LRP1B: variants seen among roughly 807,000 people sequenced by gnomAD.
The protein encoded by LRP1B is low-density lipoprotein receptor-related protein 1B.
LRP1B carries 217 observed loss-of-function variants against 556.6 expected under a neutral mutation model. The observed-to-expected ratio is 0.39, with a 90% confidence interval of 0.35 to 0.44. The LOEUF (loss-of-function observed/expected upper bound fraction) is 0.44. LRP1B is among the 20% of genes least tolerant of loss of function. The pLI is 1.00. For missense variants in LRP1B, 5,053 were observed against 5,620.8 expected (o/e 0.90, Z 3.23); for synonymous variants, 2,047 against 1,865.8 (o/e 1.10, Z -2.50).
At chr2:141,025,357 A>T (rs1698188716) in intron 11 of LRP1B, among the ~76,000 whole-genome samples, 1 of 152,190 alleles carries the variant, frequency 6.6e-6, no homozygotes. Flanking sequence ...ACCATATCTA[A>T]AGCATATTGT....
chr2:141,642,893 C>T (rs1343608287), intron 2 of LRP1B, among the ~76,000 whole-genome samples: 1 of 152,002 alleles, frequency 6.6e-6, no homozygotes. Context: ...CTGGTTTATG[C>T]CAAATACAAG....
intron 7 of LRP1B, among the ~76,000 whole-genome samples, chr2:141,156,617 T>A (rs1328744950): frequency 7.1e-6 from 1 of 141,598 alleles, no homozygotes; most frequent in East Asian, 2.1e-4. Context: ...GACAGGGCTA[T>A]CTCAGAAAAA....
chr2:142,042,581 A>C, intron 1 of LRP1B, among the ~76,000 whole-genome samples: 1 of 151,508 alleles, frequency 6.6e-6, no homozygotes, highest in East Asian at 1.9e-4. Flanking sequence ...TATTCACAGC[A>C]ATAAAAAAGG....
intron 3 of LRP1B, among the ~76,000 whole-genome samples, chr2:141,293,008 G>C (rs529308032): frequency 6.6e-6 from 1 of 152,044 alleles, no homozygotes; most frequent in Non-Finnish European, 1.5e-5. Context: ...GATATTCTAC[G>C]TACTATCTTC....
intron 25 of LRP1B, among the ~76,000 whole-genome samples, chr2:140,879,298 A>G (rs1327495327): frequency 1.3e-5 from 2 of 152,160 alleles, no homozygotes; most frequent in African/African-American, 4.8e-5. Flanking sequence ...ATTTACCAGA[A>G]ATAGGCACTG....
At chr2:141,786,798 T>TG (rs1695442490) in intron 2 of LRP1B, among the ~76,000 whole-genome samples, 1 of 151,938 alleles carries the variant, frequency 6.6e-6, no homozygotes, top group Admixed American at 6.6e-5. Context: ...TCTTTTTACA[T>TG]GCTGAGGAAA....
chr2:141,073,877 C>G (rs1699711986), intron 7 of LRP1B, among the ~76,000 whole-genome samples: 1 of 152,050 alleles, frequency 6.6e-6, no homozygotes, highest in Admixed American at 6.6e-5. Context: ...CTCTGCTCCT[C>G]TTTCCTAAAC....
intron 1 of LRP1B, among the ~76,000 whole-genome samples, chr2:141,852,649 T>C (rs1027056787): frequency 1.3e-5 from 2 of 151,718 alleles, no homozygotes; most frequent in African/African-American, 4.8e-5. Flanking sequence ...TTCAAGTACA[T>C]ATGGAAATTA....
intron 3 of LRP1B, among the ~76,000 whole-genome samples, chr2:141,374,572 TA>T (rs1040081990): frequency 2.0e-5 from 3 of 152,212 alleles, no homozygotes; most frequent in African/African-American, 7.2e-5. Context: ...CATTCTATTT[TA>T]TCCTTTTTTC....
chr2:140,529,245 A>G (rs1442961651), intron 47 of LRP1B, among the ~76,000 whole-genome samples: 1 of 152,034 alleles, frequency 6.6e-6, no homozygotes, highest in African/African-American at 2.4e-5. Flanking sequence ...CACTCTCTCT[A>G]ATATACTTTA....
intron 7 of LRP1B, among the ~76,000 whole-genome samples, chr2:141,076,673 G>C (rs553619145): frequency 6.7e-4 from 102 of 152,208 alleles, no homozygotes; most frequent in African/African-American, 2.4e-3. Context: ...CAAAATATTA[G>C]AAACATTTTT....
At chr2:141,606,743 C>T (rs1462307918) in intron 2 of LRP1B, among the ~76,000 whole-genome samples, 1 of 152,154 alleles carries the variant, frequency 6.6e-6, no homozygotes, top group Non-Finnish European at 1.5e-5. Context: ...TCAGGTGAAA[C>T]CAACCCTGCC....
intron 37 of LRP1B, among the ~76,000 whole-genome samples, chr2:140,708,336 T>C (rs1265605480): frequency 6.6e-6 from 1 of 151,962 alleles, no homozygotes; most frequent in African/African-American, 2.4e-5. Context: ...ATTTAACTTA[T>C]TTGTCAATTT....
chr2:140,865,487 T>G (rs1293527527), intron 27 of LRP1B, among the ~76,000 whole-genome samples: 1 of 152,028 alleles, frequency 6.6e-6, no homozygotes, highest in Non-Finnish European at 1.5e-5. Flanking sequence ...CTATCCTCGG[T>G]AATAAAATAG....
intron 41 of LRP1B, among the ~76,000 whole-genome samples, chr2:140,669,063 T>G (rs114366114): frequency 0.029 from 4,462 of 152,256 alleles, 99 homozygotes; most frequent in South Asian, 0.046. Flanking sequence ...GAAATAGGAA[T>G]GTTATTTCAC....
In LRP1B at chr2:140,323,975, G is replaced by T. The variant is rs1400239141; in HGVS notation, c.12432C>A (p.Gly4144=). ...AAGCTAAGTACTCTACTGAACCATG[G>T]CCAAATTTTTGAACTCGAAATACAC... ...KNGVFRVQKF[G]HGSVEYLALN... is the part of the protein sequence containing the mutation. Residue 4144 remains glycine, a synonymous_variant, in exon 81 of 91, where the codon GGC becomes GGA. Coordinates refer to ENST00000389484, the MANE Select transcript of LRP1B (RefSeq NM_018557.3). 6.2e-7 allele frequency: 1 copy of T among 1,606,450 alleles called. No individual in the cohort carries two copies. Among genetic ancestry groups the T allele is most frequent in the Non-Finnish European group, 8.5e-7 (1 of 1,173,772 alleles).
In LRP1B at chr2:141,793,194, C is replaced by T. The variant is rs559377381; in HGVS notation, c.205+17085G>A. Among the ~76,000 whole-genome samples the T allele has an allele frequency of 5.9e-5, 9 of 151,974 alleles. No homozygotes were observed. In the South Asian group the frequency reaches 1.7e-3, roughly 28 times the overall value. ...CTTCATGTTGCATGCTTAATGAAAT[C>T]GCTAAATACTTGTTTTAAATCACAA... On this transcript the variant is annotated intron_variant, in intron 2 of 90. Coordinates refer to ENST00000389484, the MANE Select transcript of LRP1B (RefSeq NM_018557.3).
chr2:140,850,491 T>C (rs1217555357), intron 28 of LRP1B, among the ~76,000 whole-genome samples, 162 bp from the exon 29 acceptor site: 1 of 152,212 alleles, frequency 6.6e-6, no homozygotes, highest in Non-Finnish European at 1.5e-5. Flanking sequence ...TAAATTAAGG[T>C]ATTTAATAGA....
At chr2:142,126,506 G>A (rs766875459) in intron 1 of LRP1B, among the ~76,000 whole-genome samples, 3 of 151,768 alleles carry the variant, frequency 2.0e-5, no homozygotes. Context: ...TTAGTTTGAC[G>A]AATGATATCA....
Sources: allele counts gnomAD v4.1 joint callset (sites outside exome capture counted in the v4.1 genomes callset), GRCh38; gene constraint gnomAD v4.1.1; transcripts MANE v1.5; gene names NCBI Gene and HGNC (gene_info 2026-07-23, HGNC 2026-07-21).